The following CSMD1 variants were observed in gnomAD, a reference collection of about 807,000 sequenced individuals.
CSMD1 encodes the protein CUB and Sushi multiple domains 1.
A neutral mutation model predicts 417.5 loss-of-function variants in CSMD1; 213 were observed. That is an observed-to-expected ratio of 0.51 (90% CI 0.46 to 0.57). CSMD1 has a LOEUF of 0.57. Ranked by LOEUF, CSMD1 falls within the 20% of genes least tolerant of loss-of-function variation. CSMD1 has a pLI of 0.00. For missense variants in CSMD1, 6,923 were observed against 4,529.7 expected (o/e 1.53, Z -15.17); for synonymous variants, 2,862 against 1,736.8 (o/e 1.65, Z -16.11).
At chr8:3,135,811 T>G in intron 41 of CSMD1, among the ~76,000 whole-genome samples, 1 of 152,080 alleles carries the variant, frequency 6.6e-6, no homozygotes, top group East Asian at 1.9e-4. Context: ...AAGAAAGTGT[T>G]CCCAAAATGT....
chr8:4,145,865 T>A (rs528232871), intron 3 of CSMD1, among the ~76,000 whole-genome samples: 1 of 151,218 alleles, frequency 6.6e-6, no homozygotes, highest in South Asian at 2.1e-4. Flanking sequence ...GCTTTGAATT[T>A]GTTGAGTTTT....
At chr8:4,457,181 A>C (rs1035675965) in intron 2 of CSMD1, among the ~76,000 whole-genome samples, 1 of 152,088 alleles carries the variant, frequency 6.6e-6, no homozygotes, top group African/African-American at 2.4e-5. Flanking sequence ...CCTAGATGTG[A>C]AATGTGTCCT....
intron 1 of CSMD1, among the ~76,000 whole-genome samples, chr8:4,853,934 G>A (rs1408825366): frequency 6.6e-6 from 1 of 152,160 alleles, no homozygotes; most frequent in Non-Finnish European, 1.5e-5. Flanking sequence ...TCAGAATTAT[G>A]TGGGGCTTAT....
intron 5 of CSMD1, among the ~76,000 whole-genome samples, chr8:3,881,417 C>A (rs367646606): frequency 4.6e-5 from 7 of 151,398 alleles, no homozygotes; most frequent in African/African-American, 1.7e-4. Flanking sequence ...AGGCAGATCA[C>A]AAGGTTAGGA....
intron 3 of CSMD1, among the ~76,000 whole-genome samples, chr8:4,149,983 G>C (rs568852641): frequency 1.3e-4 from 20 of 152,350 alleles, no homozygotes; most frequent in Non-Finnish European, 2.2e-4. Context: ...CACTGTCACA[G>C]AGAAGTCAGA....
rs1228147993 is a variant in CSMD1, at chr8:3,240,917, TA to T, written c.4154-10687del. 2.0e-4 allele frequency among the ~76,000 whole-genome samples: 31 copies of T among 151,988 alleles called. 1 individual carries two copies. The highest frequency in any genetic ancestry group is 2.0e-3 in the Admixed American group (31 of 15,250). On this transcript the variant is annotated intron_variant, in intron 26 of 69. Transcript: ENST00000635120. ...AGGTCATGCTGTAGCAGGCAAGTGA[TA>T]ACAGGCTTTAATCCTTTTAAAGCAT...
intron 2 of CSMD1, among the ~76,000 whole-genome samples, chr8:4,521,408 C>T (rs914517663): frequency 2.6e-5 from 4 of 151,968 alleles, no homozygotes; most frequent in Admixed American, 2.6e-4. Flanking sequence ...TCGATAATAG[C>T]CTGTATTATT....
intron 3 of CSMD1, among the ~76,000 whole-genome samples, chr8:4,201,392 G>C (rs967122335): frequency 5.9e-5 from 9 of 151,858 alleles, no homozygotes; most frequent in Non-Finnish European, 1.2e-4. Flanking sequence ...CAAAAAATTA[G>C]CCGGGGGTGG....
intron 1 of CSMD1, among the ~76,000 whole-genome samples, chr8:4,658,807 T>A (rs75193149): frequency 6.6e-6 from 1 of 152,172 alleles, no homozygotes; most frequent in Non-Finnish European, 1.5e-5. Context: ...TCTGGGTTAA[T>A]GGTAACACAA....
chr8:4,384,146 T>C (rs1381936150), intron 3 of CSMD1, among the ~76,000 whole-genome samples: 2 of 152,112 alleles, frequency 1.3e-5, no homozygotes, highest in Non-Finnish European at 2.9e-5. Context: ...TTGAGCCTCC[T>C]CCCTTGGGAA....
chr8:4,239,166 G>C (rs1619074), intron 3 of CSMD1, among the ~76,000 whole-genome samples: 51,711 of 152,128 alleles, frequency 0.34, 9,872 homozygotes, highest in South Asian at 0.52. Flanking sequence ...TTCTCCACCA[G>C]AGTTGAATGA....
chr8:4,275,819 A>G lies in CSMD1; in HGVS notation c.415+144134T>C, dbSNP rs1307772454. Among the ~76,000 whole-genome samples, 3 of 152,234 alleles carry G rather than the reference A, an allele frequency of 2.0e-5. No individual in the cohort carries two copies. The East Asian group carries it at 5.8e-4, about 29-fold the overall frequency. On this transcript the variant is annotated intron_variant, in intron 3 of 69. Coordinates refer to ENST00000635120, the MANE Select transcript of CSMD1 (RefSeq NM_033225.6). ...TTTGGCATGACTAATGATCTATACTAATGAAAGTGATATTGTTATATTTTA... is the reference window on the plus strand; with the variant it reads ...TTTGGCATGACTAATGATCTATACTGATGAAAGTGATATTGTTATATTTTA...
At chr8:3,920,201 C>A (rs1460337565) in intron 5 of CSMD1, among the ~76,000 whole-genome samples, 3 of 151,904 alleles carry the variant, frequency 2.0e-5, no homozygotes, top group African/African-American at 7.3e-5. Flanking sequence ...ATCTGGCTAA[C>A]TTTTCATATT....
rs76500260 is a variant in CSMD1, at chr8:3,289,652, T to G, written c.3951-5306A>C. 7.7e-4 allele frequency among the ~76,000 whole-genome samples: 113 copies of G among 145,942 alleles called. 20 individuals carry two copies. Among genetic ancestry groups the G allele is most frequent in the African/African-American group, 3.1e-3 (111 of 36,130 alleles). On this transcript the variant is annotated intron_variant, in intron 25 of 69. Coordinates refer to ENST00000635120, the MANE Select transcript of CSMD1 (RefSeq NM_033225.6). ...TTGAGAAGTGTCTGTTCATATCCTT[T>G]GCCCACTTTTTGATGGGGTTGTTTG...
chr8:3,782,247 T>A (rs1357798020), intron 5 of CSMD1, among the ~76,000 whole-genome samples: 4 of 152,100 alleles, frequency 2.6e-5, no homozygotes, highest in Non-Finnish European at 5.9e-5. Flanking sequence ...AGGATGTTAG[T>A]TTTGTGCTTG....
intron 23 of CSMD1, among the ~76,000 whole-genome samples, chr8:3,321,397 G>C (rs1215367910): frequency 3.3e-5 from 5 of 152,142 alleles, no homozygotes; most frequent in Admixed American, 1.3e-4. Context: ...TACGGCTGCA[G>C]CTGTCCTACC....
intron 3 of CSMD1, among the ~76,000 whole-genome samples, chr8:4,311,245 A>T (rs1453218597): frequency 6.6e-6 from 1 of 152,212 alleles, no homozygotes; most frequent in Non-Finnish European, 1.5e-5. Context: ...GCACGGAATC[A>T]ACCTAAATGT....
chr8:3,502,909 C>T (rs776552145), intron 10 of CSMD1, among the ~76,000 whole-genome samples: 3 of 152,060 alleles, frequency 2.0e-5, no homozygotes, highest in Admixed American at 1.3e-4. Flanking sequence ...AGCATGAATG[C>T]ATGTTCATCA....
chr8:4,491,031 T>C (rs977759869), intron 2 of CSMD1, among the ~76,000 whole-genome samples: 1 of 152,156 alleles, frequency 6.6e-6, no homozygotes, highest in Non-Finnish European at 1.5e-5. Flanking sequence ...AGGCAGCTCC[T>C]ATGGTACCTG....
Sources: allele counts gnomAD v4.1 joint callset (sites outside exome capture counted in the v4.1 genomes callset), GRCh38; gene constraint gnomAD v4.1.1; transcripts MANE v1.5; gene names NCBI Gene and HGNC (gene_info 2026-07-23, HGNC 2026-07-21).